CEP44: variants seen among roughly 807,000 people sequenced by gnomAD.
CEP44 encodes the protein centrosomal protein of 44 kDa.
A neutral mutation model predicts 46.7 loss-of-function variants in CEP44; 45 were observed. The observed-to-expected ratio is 0.96, with a 90% CI of 0.76 to 1.24. CEP44 has a LOEUF of 1.24. CEP44 is among the 50% of genes most tolerant of loss of function. The pLI is 0.00. For synonymous variants in CEP44, 142 were observed against 146.0 expected (o/e 0.97, Z 0.20); for missense variants, 475 against 459.7 (o/e 1.03, Z -0.30).
chr4:174,330,443 C>G lies in CEP44; in HGVS notation c.1087-1039C>G, dbSNP rs543587085. On this transcript the variant is annotated intron_variant, in intron 8 of 8. Coordinates refer to the CEP44 transcript ENST00000426172. ...GGTGGAGGTTGCAGTGAGCCGAGGT[C>G]ATACCACTACACTCTAGCCTGGGCA... Among the ~76,000 whole-genome samples the G allele has an allele frequency of 6.2e-4, 92 of 148,562 alleles. 1 individual carries two copies. The highest frequency in any genetic ancestry group is 2.2e-3 in the African/African-American group (89 of 40,112).
rs535934895 is a variant in CEP44 at position 174,306,933 on chromosome 4, C to T, written c.508-1756C>T. Among the ~76,000 whole-genome samples, 10 of 152,178 alleles carry T rather than the reference C, an allele frequency of 6.6e-5. No homozygotes were observed. The East Asian group carries it at 1.7e-3, about 26-fold the overall frequency. ...AGGCAAAAGATCTCTACAAGCAAAACTATAAACCATTGCTCAAAGAAATCA... is the reference window on the plus strand; with the variant it reads ...AGGCAAAAGATCTCTACAAGCAAAATTATAAACCATTGCTCAAAGAAATCA... On this transcript the variant is annotated intron_variant, in intron 6 of 11. Transcript: ENST00000503780.
chr4:174,328,182 A>C (rs1042588926), intron 8 of CEP44, among the ~76,000 whole-genome samples: 6 of 152,200 alleles, frequency 3.9e-5, no homozygotes, highest in African/African-American at 1.4e-4. Flanking sequence ...ACTGTAGACA[A>C]TCCAGAACCC....
chr4:174,306,606 G>A (rs1740430816), intron 6 of CEP44, among the ~76,000 whole-genome samples: 1 of 151,766 alleles, frequency 6.6e-6, no homozygotes, highest in Non-Finnish European at 1.5e-5. Flanking sequence ...GTTAGTAATG[G>A]TAATATTTTG....
In CEP44 at chr4:174,309,080, G is replaced by A. The variant is rs1312042474; in HGVS notation, c.678+221G>A. Among the ~76,000 whole-genome samples, 1 of 152,074 alleles carries A rather than the reference G, an allele frequency of 6.6e-6. No homozygotes were observed. Among genetic ancestry groups the A allele is most frequent in the Non-Finnish European group, 1.5e-5 (1 of 67,952 alleles). ...GTGCTGGGCTAAGTGTTGGGGTGAT[G>A]CAAAGTAGAATAAGATATGGTACTT... On this transcript the variant is annotated intron_variant, in intron 7 of 11. Coordinates refer to ENST00000503780, the MANE Select transcript of CEP44 (RefSeq NM_001040157.3). The surrounding 1 kb of genome is among the most constrained non-coding windows in gnomAD (Gnocchi z 5.3).
At chr4:174,322,063 A>G (rs571679712), downstream of CEP44, among the ~76,000 whole-genome samples, 4 of 152,284 alleles carry the variant, frequency 2.6e-5, no homozygotes, top group Admixed American at 6.5e-5. Flanking sequence ...TCACACTAGG[A>G]CATTTAAAAC....
chr4:174,327,958 A>T (rs1731068940), intron 8 of CEP44, among the ~76,000 whole-genome samples: 1 of 152,234 alleles, frequency 6.6e-6, no homozygotes, highest in East Asian at 1.9e-4. Context: ...TTATCTTTAT[A>T]ACTTTGGGTG....
intron 1 of CEP44, among the ~76,000 whole-genome samples, chr4:174,295,290 G>A (rs974741101): frequency 3.3e-5 from 5 of 150,656 alleles, no homozygotes; most frequent in East Asian, 2.0e-4. Flanking sequence ...GGGCAGAGAC[G>A]CTCCTCACCT....
rs533166191 is a variant in CEP44, at chr4:174,317,791, T to TA, written c.*409dup. Reference sequence around the variant, plus strand: ...GTATTATACCCAGGAGGCTCTCATATATACCATCTTGGCATCTGTACTGAT... The same window carrying TA: ...GTATTATACCCAGGAGGCTCTCATATAATACCATCTTGGCATCTGTACTGAT... On this transcript the variant is annotated 3_prime_UTR_variant, in exon 12 of 12. Coordinates refer to ENST00000503780, the MANE Select transcript of CEP44 (RefSeq NM_001040157.3). 4.7e-3 allele frequency: 4,602 copies of TA among 986,724 alleles called. 14 individuals are homozygous for TA. The highest frequency in any genetic ancestry group is 0.014 in the Middle Eastern group (27 of 1,920). The allele number at this position is 986,724 out of a possible 1,614,324, so 61.1% of individuals were successfully genotyped here.
chr4:174,318,076 A>T lies in CEP44; in HGVS notation c.*693A>T. ...ATGCTCTATTGTATAATTTTTTTGG[A>T]GGGGGGGATGGAGTTTCGCTGTTGT... On this transcript the variant is annotated 3_prime_UTR_variant, in exon 12 of 12. Transcript: ENST00000503780. 1 of 984,772 alleles carries T rather than the reference A, an allele frequency of 1.0e-6. No homozygotes were observed. The allele number at this position is 984,772 out of a possible 1,614,324, so 61.0% of individuals were successfully genotyped here. A position where few individuals can be genotyped will look rare whatever the true frequency, so the allele number is the denominator to read the frequency against.
At chr4:174,323,157 A>C (rs1463243003), downstream of CEP44, among the ~76,000 whole-genome samples, 1 of 152,114 alleles carries the variant, frequency 6.6e-6, no homozygotes, top group Admixed American at 6.6e-5. Context: ...AAATATAATA[A>C]ATATTTATCA....
chr4:174,321,203 A>G (rs968504307), downstream of CEP44, among the ~76,000 whole-genome samples: 1 of 152,194 alleles, frequency 6.6e-6, no homozygotes, highest in Non-Finnish European at 1.5e-5. Context: ...AGTTCAAGAA[A>G]TATTAGTTTA....
Position 174,318,083 on chromosome 4 carries a change from G to C in CEP44, c.*700G>C. On this transcript the variant is annotated 3_prime_UTR_variant, in exon 12 of 12. Coordinates refer to ENST00000503780, the MANE Select transcript of CEP44 (RefSeq NM_001040157.3). ...ATTGTATAATTTTTTTGGAGGGGGG[G>C]ATGGAGTTTCGCTGTTGTTGCCCAG... The C allele has an allele frequency of 1.0e-6, 1 of 984,776 alleles. No homozygotes were observed. Among genetic ancestry groups the C allele is most frequent in the Non-Finnish European group, 1.2e-6 (1 of 829,398 alleles). 61.0% of individuals were successfully genotyped at this position (984,776 alleles called of 1,614,324 possible).
intron 1 of CEP44, among the ~76,000 whole-genome samples, chr4:174,292,661 A>G (rs918094827): frequency 2.0e-5 from 3 of 151,964 alleles, no homozygotes; most frequent in African/African-American, 7.2e-5. Context: ...GAAGCCTTCT[A>G]TTGAATTTTT....
chr4:174,327,231 AAAAC>A (rs1352320443), intron 8 of CEP44, among the ~76,000 whole-genome samples: 2 of 151,096 alleles, frequency 1.3e-5, no homozygotes, highest in East Asian at 3.9e-4. Context: ...TGGTATCAAA[AAAAC>A]AAACGTAATA....
At chr4:174,284,643 A>G (rs1737358566) in intron 1 of CEP44, among the ~76,000 whole-genome samples, 1 of 152,002 alleles carries the variant, frequency 6.6e-6, no homozygotes, top group Non-Finnish European at 1.5e-5. Context: ...CAGACCTTTT[A>G]ATTTTATGTG....
rs370582883 is a variant in CEP44 at position 174,308,819 on chromosome 4, T to A, written c.638T>A (p.Met213Lys). The change falls in exon 7 of 12, where the codon ATG becomes AAG. Residue 213 changes from methionine to lysine, a missense_variant. Coordinates refer to ENST00000503780, the MANE Select transcript of CEP44 (RefSeq NM_001040157.3). ...GACTTAAATGCTACTGAAATAAAGA[T>A]GCCTGAAGTAAAGGTTCCTGAAATC... ...VSDLNATEIK[M>K]PEVKVPEIKA... The A allele has an allele frequency of 6.2e-7, 1 of 1,613,288 alleles. No individual in the cohort carries two copies. The highest frequency in any genetic ancestry group is 8.5e-7 in the Non-Finnish European group (1 of 1,179,414).
Position 174,319,485 on chromosome 4 carries a change from T to C in CEP44, c.*2102T>C. ...TTAAAAAGAAACATTTTTGAAGTTTTCTTATGGAAGATAGAAAAAAAGTTA... is the reference window on the plus strand; with the variant it reads ...TTAAAAAGAAACATTTTTGAAGTTTCCTTATGGAAGATAGAAAAAAAGTTA... On this transcript the variant is annotated 3_prime_UTR_variant, in exon 12 of 12. Transcript: ENST00000503780. 1.1e-6 allele frequency: 1 copy of C among 950,686 alleles called. No individual in the cohort carries two copies. Among genetic ancestry groups the C allele is most frequent in the South Asian group, 4.9e-5 (1 of 20,556 alleles). The allele number at this position is 950,686 out of a possible 1,614,324, so 58.9% of individuals were successfully genotyped here. A position where few individuals can be genotyped will look rare whatever the true frequency, so the allele number is the denominator to read the frequency against.
chr4:174,308,753 T>C lies in CEP44; in HGVS notation c.572T>C (p.Leu191Ser), dbSNP rs746290439. The C allele has an allele frequency of 3.1e-6, 5 of 1,613,254 alleles. No homozygotes were observed. Among genetic ancestry groups the C allele is most frequent in the Non-Finnish European group, 4.2e-6 (5 of 1,179,396 alleles). The change falls in exon 7 of 12, where the codon TTA becomes TCA. Residue 191 changes from leucine to serine, a missense_variant. Physicochemically the swap from Leu to Ser is moderately radical, Grantham distance 145 (BLOSUM62 -2). Coordinates refer to ENST00000503780, the MANE Select transcript of CEP44 (RefSeq NM_001040157.3). ...EDNVDISEDT[L>S]SPITDVNEAV... ...AATGTTGACATTTCTGAGGATACAT[T>C]AAGTCCAATAACAGATGTTAATGAA...
chr4:174,298,801 G>A, intron 2 of CEP44, among the ~76,000 whole-genome samples: 1 of 152,074 alleles, frequency 6.6e-6, no homozygotes, highest in East Asian at 1.9e-4. Flanking sequence ...ATTTGGGCAA[G>A]TGTTATATAA....
Sources: gnomAD v4.1 joint callset for allele counts (sites outside exome capture counted in the v4.1 genomes callset) on GRCh38, gnomAD v4.1.1 for gene constraint, Gnocchi (gnomAD v3.1) non-coding constraint, MANE v1.5 for transcripts, NCBI Gene and HGNC (gene_info 2026-07-23, HGNC 2026-07-21) for gene names.